Variants in LDAH observed in about 807,000 individuals in gnomAD.
LDAH encodes the protein lipid droplet associated hydrolase, also known as lipid droplet-associated hydrolase.
In LDAH, 26 loss-of-function variants were observed where a neutral mutation model predicts 29.6. That is an observed-to-expected ratio of 0.88 (90% CI 0.64 to 1.22). The LOEUF (loss-of-function observed/expected upper bound fraction) is 1.22, where lower values mean the gene tolerates loss of function less well. Among genes scored for constraint, LDAH ranks in the 50% most tolerant of loss-of-function variants. LDAH has a pLI of 0.00. For missense variants in LDAH, 344 were observed against 387.3 expected (o/e 0.89, Z 0.94); for synonymous variants, 117 against 133.0 (o/e 0.88, Z 0.83).
Position 20,687,075 on chromosome 2 carries a change from G to A in LDAH, c.806C>T (p.Thr269Ile). 7 of 1,606,090 alleles carry A rather than the reference G, an allele frequency of 4.4e-6. No individual in the cohort carries two copies. Among genetic ancestry groups the A allele is most frequent in the Non-Finnish European group, 5.9e-6 (7 of 1,177,178 alleles). Residue 269 changes from threonine (T) to isoleucine (I), a missense_variant, in exon 7 of 7, where the codon ACT becomes ATT. Transcript: ENST00000237822. ...HLCKLTFYYG[T>I]IDPWCPKEYY... ...CTCTTTTGGACACCAAGGATCTATA[G>A]TACCATAATAAAATGTAAGCTGAAA...
At chr2:20,790,170 G>T in intron 3 of LDAH, 85 bp downstream of exon 3, 1 of 1,410,464 alleles carries the variant, frequency 7.1e-7, no homozygotes, top group Non-Finnish European at 9.8e-7. Context: ...GGTTTCCACT[G>T]GTGTAACTCT....
chr2:20,752,548 A>C (rs1346934153), intron 4 of LDAH, among the ~76,000 whole-genome samples: 1 of 150,214 alleles, frequency 6.7e-6, no homozygotes, highest in Non-Finnish European at 1.5e-5. Context: ...AAAAATTTAC[A>C]CTCTGGCAGT....
chr2:20,685,125 T>C lies in LDAH; in HGVS notation c.*1778A>G. 1 of 632,874 alleles carries C rather than the reference T, an allele frequency of 1.6e-6. No individual in the cohort carries two copies. Among genetic ancestry groups the C allele is most frequent in the Non-Finnish European group, 2.5e-6 (1 of 405,362 alleles). The allele number at this position is 632,874 out of a possible 1,614,324, so 39.2% of individuals were successfully genotyped here. A position where few individuals can be genotyped will look rare whatever the true frequency, so the allele number is the denominator to read the frequency against. ...ATGATAAATAGGAATTAAGAATGAGTATCTTTCTTAGGCTCTAAAAACCAG... is the reference window on the plus strand; with the variant it reads ...ATGATAAATAGGAATTAAGAATGAGCATCTTTCTTAGGCTCTAAAAACCAG... On this transcript the variant is annotated 3_prime_UTR_variant, in exon 7 of 7. Transcript: ENST00000237822.
At chr2:20,811,022 T>C (rs1051120382) in intron 1 of LDAH, among the ~76,000 whole-genome samples, 1 of 150,454 alleles carries the variant, frequency 6.6e-6, no homozygotes, top group Non-Finnish European at 1.5e-5. Flanking sequence ...CGACCTTCTT[T>C]TTTTTTTTTT....
At chr2:20,701,039 T>C (rs1160684844) in intron 6 of LDAH, among the ~76,000 whole-genome samples, 1 of 152,162 alleles carries the variant, frequency 6.6e-6, no homozygotes, top group Non-Finnish European at 1.5e-5. Flanking sequence ...AACCCTACTC[T>C]TATAGTTTCA....
chr2:20,693,623 A>G (rs1249884154), intron 6 of LDAH, among the ~76,000 whole-genome samples: 1 of 152,164 alleles, frequency 6.6e-6, no homozygotes, highest in Admixed American at 6.5e-5. Flanking sequence ...AATAAAACCT[A>G]CTTTTCCTCA....
chr2:20,736,922 T>A (rs923717607), intron 5 of LDAH, among the ~76,000 whole-genome samples: 2 of 152,246 alleles, frequency 1.3e-5, no homozygotes, highest in African/African-American at 2.4e-5. Flanking sequence ...ATATGAAATA[T>A]AAATGTTAAT....
At chr2:20,809,697 A>T (rs971630145) in intron 1 of LDAH, among the ~76,000 whole-genome samples, 1 of 152,244 alleles carries the variant, frequency 6.6e-6, no homozygotes, top group African/African-American at 2.4e-5. Flanking sequence ...ATGATATTTG[A>T]ACAGGCACTT....
At chr2:20,717,791 GTC>G (rs1216760207) in intron 5 of LDAH, among the ~76,000 whole-genome samples, 24 of 151,620 alleles carry the variant, frequency 1.6e-4, no homozygotes, top group Non-Finnish European at 2.7e-4. Flanking sequence ...GTGTGTGTGT[GTC>G]TGTGTGTGTT....
intron 4 of LDAH, among the ~76,000 whole-genome samples, chr2:20,756,444 G>A (rs1668348557): frequency 6.6e-6 from 1 of 151,884 alleles, no homozygotes; most frequent in South Asian, 2.1e-4. Flanking sequence ...ATGAAGAAAG[G>A]AATTCAGAAT....
intron 4 of LDAH, among the ~76,000 whole-genome samples, chr2:20,752,399 T>C (rs949624505): frequency 1.1e-4 from 16 of 152,248 alleles, no homozygotes; most frequent in African/African-American, 3.6e-4. Context: ...ACAGAAATAA[T>C]GCATGAAAGT....
chr2:20,739,932 T>A, intron 5 of LDAH, 39 bp downstream of exon 5: 1 of 1,474,532 alleles, frequency 6.8e-7, no homozygotes, highest in Non-Finnish European at 9.5e-7. Context: ...CATTTTGTGA[T>A]ACAAGAATAA....
intron 4 of LDAH, among the ~76,000 whole-genome samples, chr2:20,774,471 A>G (rs1669651532): frequency 6.6e-6 from 1 of 152,192 alleles, no homozygotes; most frequent in Non-Finnish European, 1.5e-5. Context: ...CCCACAAAAG[A>G]CAGATTCTTG....
chr2:20,701,458 T>C, intron 6 of LDAH, 112 bp downstream of exon 6: 1 of 833,466 alleles, frequency 1.2e-6, no homozygotes, highest in Non-Finnish European at 2.0e-6. Context: ...GAACTCTATG[T>C]CATTCTACCA....
Position 20,819,038 on chromosome 2 carries a change from A to T in LDAH, c.-3+3999T>A, listed in dbSNP as rs1673060044. Reference sequence around the variant, plus strand: ...TTAAATCTGTGCAAGTGGGCCAGAAAATAAAGCTTAAATGATGAAGATAAA... The same window carrying T: ...TTAAATCTGTGCAAGTGGGCCAGAATATAAAGCTTAAATGATGAAGATAAA... On this transcript the variant is annotated intron_variant, in intron 1 of 6. Transcript: ENST00000237822. Among the ~76,000 whole-genome samples the T allele has an allele frequency of 2.0e-5, 3 of 152,308 alleles. No individual in the cohort carries two copies. In the South Asian group the frequency reaches 6.2e-4, roughly 32 times the overall value.
intron 4 of LDAH, among the ~76,000 whole-genome samples, chr2:20,774,073 T>C (rs933129491): frequency 1.3e-5 from 2 of 152,218 alleles, no homozygotes; most frequent in African/African-American, 4.8e-5. Context: ...AAGGGCTTAA[T>C]ATATGTTTGT....
chr2:20,748,928 G>T (rs2124885709), intron 4 of LDAH, among the ~76,000 whole-genome samples: 1 of 152,288 alleles, frequency 6.6e-6, no homozygotes, highest in African/African-American at 2.4e-5. Flanking sequence ...ACTATCTTTG[G>T]CAATGGCACT....
intron 5 of LDAH, among the ~76,000 whole-genome samples, chr2:20,703,115 C>T (rs527585989): frequency 5.3e-5 from 8 of 152,206 alleles, no homozygotes; most frequent in Non-Finnish European, 1.0e-4. Context: ...CATGAGCCAC[C>T]GCACCCAGCT....
intron 4 of LDAH, among the ~76,000 whole-genome samples, chr2:20,742,415 T>C (rs1224398996): frequency 5.9e-5 from 9 of 152,230 alleles, no homozygotes; most frequent in Non-Finnish European, 8.8e-5. Context: ...CCAACTATGA[T>C]AGTGGATGCA....
Sources: gnomAD v4.1 joint callset for allele counts (sites outside exome capture counted in the v4.1 genomes callset) on GRCh38, gnomAD v4.1.1 for gene constraint, MANE v1.5 for transcripts, NCBI Gene and HGNC (gene_info 2026-07-23, HGNC 2026-07-21) for gene names.